Variants in DOCK8 observed in about 807,000 individuals in gnomAD.
The protein encoded by DOCK8 is dedicator of cytokinesis 8, also known as dedicator of cytokinesis protein 8.
A neutral mutation model predicts 245.6 loss-of-function variants in DOCK8; 141 were observed. The observed-to-expected ratio is 0.57, with a 90% CI of 0.50 to 0.66. The LOEUF (loss-of-function observed/expected upper bound fraction) is 0.66. DOCK8 is among the 30% of genes least tolerant of loss of function. The pLI is 0.00. For synonymous variants in DOCK8, 1,168 were observed against 970.2 expected (o/e 1.20, Z -3.79); for missense variants, 2,965 against 2,603.4 (o/e 1.14, Z -3.02).
intron 15 of DOCK8, 53 bp downstream of exon 15, chr9:368,188 G>GA: frequency 2.2e-6 from 3 of 1,394,794 alleles, no homozygotes; most frequent in Non-Finnish European, 3.1e-6. Flanking sequence ...GCTCACCCCT[G>GA]TCACTTCACA....
chr9:280,087 T>G (rs538543031), intron 2 of DOCK8, among the ~76,000 whole-genome samples: 1 of 152,214 alleles, frequency 6.6e-6, no homozygotes, highest in Non-Finnish European at 1.5e-5. Context: ...AATCTTACCC[T>G]TTGTCAGGAG....
intron 8 of DOCK8, among the ~76,000 whole-genome samples, chr9:327,247 G>T (rs1002548898): frequency 2.0e-5 from 3 of 152,132 alleles, no homozygotes; most frequent in Non-Finnish European, 4.4e-5. Flanking sequence ...TCCATCTCCA[G>T]TGCTGCTTCC....
intron 29 of DOCK8, among the ~76,000 whole-genome samples, 154 bp downstream of exon 29, chr9:415,105 A>T (rs988019964): frequency 3.3e-5 from 5 of 152,150 alleles, no homozygotes; most frequent in Non-Finnish European, 7.3e-5. Flanking sequence ...CACTGGCCCC[A>T]ATCAGTTAAA....
At chr9:369,684 G>A (rs2053190534) in intron 15 of DOCK8, 1 of 164,050 alleles carries the variant, frequency 6.1e-6, no homozygotes. Flanking sequence ...AGAGAGTACT[G>A]GTTTTCTAAT....
intron 2 of DOCK8, among the ~76,000 whole-genome samples, chr9:274,953 A>G (rs1044965904): frequency 6.6e-6 from 1 of 152,226 alleles, no homozygotes; most frequent in African/African-American, 2.4e-5. Context: ...CATTTAATTG[A>G]AGTCAAGTTA....
intron 14 of DOCK8, among the ~76,000 whole-genome samples, chr9:343,652 C>T (rs1345844616): frequency 6.6e-6 from 1 of 152,172 alleles, no homozygotes; most frequent in Non-Finnish European, 1.5e-5. Flanking sequence ...TTCCTTACAT[C>T]TAAACTTAGT....
At chr9:347,489 G>C (rs1472390823) in intron 14 of DOCK8, among the ~76,000 whole-genome samples, 1 of 152,170 alleles carries the variant, frequency 6.6e-6, no homozygotes, top group Admixed American at 6.5e-5. Flanking sequence ...CTGGGCAACA[G>C]AGTGAGACTC....
intron 1 of DOCK8, among the ~76,000 whole-genome samples, chr9:229,299 A>T (rs1379143074): frequency 1.3e-5 from 2 of 152,204 alleles, no homozygotes. Context: ...TTTTAGTGGC[A>T]GAGAAACTGA....
intron 29 of DOCK8, among the ~76,000 whole-genome samples, chr9:415,692 G>GCACACACGCACACATGCACACA (rs1554699022): frequency 4.0e-5 from 6 of 150,978 alleles, no homozygotes. Flanking sequence ...GTGCGCGCGT[G>GCACACACGCACACATGCACACA]CACACACACA....
At chr9:292,387 CAAA>C (rs5895837) in intron 4 of DOCK8, among the ~76,000 whole-genome samples, 1 of 63,070 alleles carries the variant, frequency 1.6e-5, no homozygotes, top group Non-Finnish European at 2.6e-5. Context: ...AACTCCGTCT[CAAA>C]AAAAAAAAAA....
At chr9:291,252 T>G (rs935517482) in intron 4 of DOCK8, among the ~76,000 whole-genome samples, 4 of 152,204 alleles carry the variant, frequency 2.6e-5, no homozygotes, top group African/African-American at 9.6e-5. Flanking sequence ...CAATGCACGC[T>G]TCTTGGAGTA....
chr9:360,172 C>G (rs148816287), intron 14 of DOCK8, among the ~76,000 whole-genome samples: 1 of 151,822 alleles, frequency 6.6e-6, no homozygotes, highest in African/African-American at 2.4e-5. Context: ...AAAAATTAGC[C>G]GGGCCTGGTA....
At chr9:274,529 C>T (rs1217838099) in intron 2 of DOCK8, among the ~76,000 whole-genome samples, 1 of 148,354 alleles carries the variant, frequency 6.7e-6, no homozygotes, top group African/African-American at 2.5e-5. Flanking sequence ...TTAGGAAATC[C>T]ATCTCCATAA....
chr9:350,773 A>G (rs961105980), intron 14 of DOCK8, among the ~76,000 whole-genome samples: 2 of 152,222 alleles, frequency 1.3e-5, no homozygotes, highest in Non-Finnish European at 2.9e-5. Flanking sequence ...GAACGTAGAT[A>G]GCAACCTTAA....
At chr9:342,059 T>C (rs1397307176) in intron 14 of DOCK8, among the ~76,000 whole-genome samples, 1 of 152,180 alleles carries the variant, frequency 6.6e-6, no homozygotes, top group Non-Finnish European at 1.5e-5. Context: ...TTGTGAGTTA[T>C]ATAATTATTT....
In DOCK8 at chr9:397,536, G is replaced by A. The variant is rs535719442; in HGVS notation, c.3120+602G>A. On this transcript the variant is annotated intron_variant, in intron 25 of 47. Coordinates refer to ENST00000432829, the MANE Select transcript of DOCK8 (RefSeq NM_203447.4). ...AAACCCCGTCTCTACTAAAAATATGGAAAATTAGCCGGGTGTAGTGGCACG... is the reference window on the plus strand; with the variant it reads ...AAACCCCGTCTCTACTAAAAATATGAAAAATTAGCCGGGTGTAGTGGCACG... Among the ~76,000 whole-genome samples the A allele has an allele frequency of 4.5e-3, 675 of 151,344 alleles. 3 individuals are homozygous for A. The highest frequency in any genetic ancestry group is 0.016 in the African/African-American group (641 of 41,242).
At position 382,753 on chromosome 9, in the gene DOCK8, G is replaced by T. The variant is rs762768508; in HGVS notation, c.2778+68G>T. The T allele has an allele frequency of 2.5e-6, 4 of 1,574,478 alleles. No individual in the cohort carries two copies. In the Admixed American group the frequency reaches 5.6e-5, roughly 22 times the overall value. ...TATTTTTTAACTAAAACTTGGAGAA[G>T]TAACACAGAAGCAACCACTACTGCT... On this transcript the variant is annotated intron_variant, in intron 22 of 47. Transcript: ENST00000432829.
At chr9:235,058 C>T (rs190597547) in intron 1 of DOCK8, among the ~76,000 whole-genome samples, 10 of 152,176 alleles carry the variant, frequency 6.6e-5, no homozygotes, top group South Asian at 4.1e-4. Context: ...ATGATGGTGA[C>T]GTACAGATGG....
chr9:271,644 T>G lies in DOCK8; in HGVS notation c.71T>G (p.Ile24Arg). The change falls in exon 2 of 48, where the codon ATA (isoleucine) becomes AGA (arginine). Residue 24 changes from isoleucine to arginine, a missense_variant. By Grantham distance (97) the Ile-to-Arg change is moderately conservative (BLOSUM62 -3). This residue lies in a region of DOCK8 where 2,825 missense variants were observed against 2,453.5 expected (regional missense o/e 1.15). Transcript: ENST00000432829. The part of the protein sequence containing the change: ...LKINRYSSAE[I>R]RKQFTLPPNL... The stretch of plus-strand genomic sequence containing the variant: ...AATCCAAGGTATTCTTCAGCGGAAA[T>G]AAGGAAACAGTTTACTCTCCCACCA... 6.4e-7 allele frequency: 1 copy of G among 1,550,686 alleles called. No individual in the cohort carries two copies. The highest frequency in any genetic ancestry group is 1.2e-5 in the South Asian group (1 of 84,000).
Sources: gnomAD v4.1 joint callset for allele counts (sites outside exome capture counted in the v4.1 genomes callset) on GRCh38, gnomAD v4.1.1 for gene constraint, gnomAD v4.1.1 regional missense constraint, MANE v1.5 for transcripts, NCBI Gene and HGNC (gene_info 2026-07-23, HGNC 2026-07-21) for gene names.